Variants in TMEM132C observed in about 807,000 individuals in gnomAD.
TMEM132C encodes transmembrane protein 132C.
A neutral mutation model predicts 61.4 loss-of-function variants in TMEM132C; 29 were observed. That is an observed-to-expected ratio of 0.47 (90% CI 0.35 to 0.64). The LOEUF is 0.64. Among genes scored for constraint, TMEM132C ranks in the 30% least tolerant of loss-of-function variants. The pLI, the probability that TMEM132C is intolerant of heterozygous loss-of-function variation, is 0.00. For missense variants in TMEM132C, 1,408 were observed against 1,476.9 expected (o/e 0.95, Z 0.76); for synonymous variants, 656 against 633.1 (o/e 1.04, Z -0.54).
At chr12:128,308,508 C>T (rs957511214) in intron 1 of TMEM132C, among the ~76,000 whole-genome samples, 3 of 152,120 alleles carry the variant, frequency 2.0e-5, no homozygotes, top group South Asian at 2.1e-4. Flanking sequence ...GAACTGTGTC[C>T]GGCACGTTGC....
At chr12:128,564,090 C>A (rs990218481) in intron 3 of TMEM132C, among the ~76,000 whole-genome samples, 1 of 152,228 alleles carries the variant, frequency 6.6e-6, no homozygotes, top group African/African-American at 2.4e-5. Context: ...TCTGGGATTG[C>A]AGTAGGCTGC....
At chr12:128,698,730 G>A (rs547056837) in intron 8 of TMEM132C, among the ~76,000 whole-genome samples, 2 of 152,346 alleles carry the variant, frequency 1.3e-5, no homozygotes, top group South Asian at 2.1e-4. Flanking sequence ...AACACTCTGC[G>A]TCAAACCCAG....
chr12:128,619,890 G>T (rs1953945273), intron 4 of TMEM132C, among the ~76,000 whole-genome samples: 1 of 152,162 alleles, frequency 6.6e-6, no homozygotes, highest in East Asian at 1.9e-4. Context: ...ATTTCCAAGT[G>T]ATAGTTTCTG....
intron 4 of TMEM132C, among the ~76,000 whole-genome samples, chr12:128,649,547 C>T (rs1401291818): frequency 6.6e-6 from 1 of 152,212 alleles, no homozygotes; most frequent in Non-Finnish European, 1.5e-5. Context: ...ACTGCTGGAG[C>T]AGGCTCTGCC....
chr12:128,606,853 C>T (rs1439101414), intron 3 of TMEM132C, among the ~76,000 whole-genome samples: 1 of 152,170 alleles, frequency 6.6e-6, no homozygotes, highest in Non-Finnish European at 1.5e-5. Context: ...GAGAGTAGAT[C>T]TTTTCTAGAA....
chr12:128,515,951 G>T (rs1446486000), intron 2 of TMEM132C, among the ~76,000 whole-genome samples: 1 of 152,180 alleles, frequency 6.6e-6, no homozygotes, highest in Non-Finnish European at 1.5e-5. Flanking sequence ...CAGGATTATA[G>T]GATGATACAC....
At chr12:128,546,346 C>T (rs755317068) in intron 3 of TMEM132C, among the ~76,000 whole-genome samples, 22 of 152,264 alleles carry the variant, frequency 1.4e-4, no homozygotes, top group African/African-American at 2.6e-4. Context: ...CAAATGAAAG[C>T]GAATGTGTTC....
At chr12:128,619,743 C>T (rs1953942470) in intron 4 of TMEM132C, among the ~76,000 whole-genome samples, 1 of 152,162 alleles carries the variant, frequency 6.6e-6, no homozygotes, top group Non-Finnish European at 1.5e-5. Flanking sequence ...AGGCCACTTT[C>T]GTACATAAAG....
At chr12:128,533,450 C>T (rs941033838) in intron 2 of TMEM132C, among the ~76,000 whole-genome samples, 4 of 152,146 alleles carry the variant, frequency 2.6e-5, no homozygotes, top group South Asian at 4.2e-4. Flanking sequence ...TTGAAGGATA[C>T]GAATCTCTCA....
intron 1 of TMEM132C, among the ~76,000 whole-genome samples, chr12:128,362,030 G>C (rs926443221): frequency 9.2e-5 from 14 of 151,834 alleles, no homozygotes; most frequent in Admixed American, 6.6e-5. Flanking sequence ...AGGACACCCT[G>C]GATTTCTCCA....
Position 128,415,506 on chromosome 12 carries a change from G to T in TMEM132C, c.860G>T (p.Arg287Leu). ...AQDSAQLSEL[R>L]LDGNVVIWLP... ...GACAGCGCCCAGCTCAGCGAGCTGC[G>T]TTTGGATGGTAACGTGGTCATCTGG... is the stretch of plus-strand genomic sequence containing the variant. The change falls in exon 2 of 9, where the codon CGT becomes CTT. Residue 287 changes from arginine (R) to leucine (L), a missense_variant. Coordinates refer to ENST00000435159, the MANE Select transcript of TMEM132C (RefSeq NM_001136103.3). This position sits in a 1 kb window ranked among gnomAD's most constrained non-coding sequence, Gnocchi z 5.8. 6.4e-7 allele frequency: 1 copy of T among 1,551,576 alleles called. No individual in the cohort carries two copies. The highest frequency in any genetic ancestry group is 2.4e-5 in the East Asian group (1 of 40,874).
chr12:128,617,181 C>T (rs1481992545), intron 4 of TMEM132C, among the ~76,000 whole-genome samples: 4 of 152,156 alleles, frequency 2.6e-5, no homozygotes, highest in South Asian at 4.1e-4. Flanking sequence ...GCCATGTCAG[C>T]GCGGCTGGTC....
intron 2 of TMEM132C, among the ~76,000 whole-genome samples, chr12:128,480,419 A>G (rs1565948738): frequency 6.6e-6 from 1 of 152,186 alleles, no homozygotes; most frequent in African/African-American, 2.4e-5. Context: ...GCTTGCGCCC[A>G]AAGTCTGAGA....
At chr12:128,358,899 G>A (rs1038002236) in intron 1 of TMEM132C, among the ~76,000 whole-genome samples, 12 of 152,132 alleles carry the variant, frequency 7.9e-5, no homozygotes, top group African/African-American at 2.9e-4. Context: ...TAGGAAGAAT[G>A]CTCACCCTGG....
At chr12:128,617,835 T>A (rs1552579) in intron 4 of TMEM132C, among the ~76,000 whole-genome samples, 86,838 of 152,066 alleles carry the variant, frequency 0.57, 25,786 homozygotes, top group South Asian at 0.68. Context: ...CCAGAAGGTA[T>A]CATCTACCAT....
chr12:128,688,627 T>A (rs1954695887), intron 5 of TMEM132C, among the ~76,000 whole-genome samples: 2 of 152,064 alleles, frequency 1.3e-5, no homozygotes, highest in Admixed American at 1.3e-4. Context: ...TCATTCTAAG[T>A]GTTTATTTTT....
intron 5 of TMEM132C, among the ~76,000 whole-genome samples, chr12:128,678,855 C>T (rs777116054): frequency 1.4e-4 from 21 of 152,214 alleles, no homozygotes; most frequent in South Asian, 2.1e-4. Context: ...GCAGACACCA[C>T]GGGGTCTCCA....
At chr12:128,589,257 G>A (rs1271337274) in intron 3 of TMEM132C, among the ~76,000 whole-genome samples, 1 of 150,662 alleles carries the variant, frequency 6.6e-6, no homozygotes, top group Non-Finnish European at 1.5e-5. Context: ...CCCTCCACCA[G>A]CCACCCCACA....
At chr12:128,368,276 T>G (rs1406374267) in intron 1 of TMEM132C, among the ~76,000 whole-genome samples, 1 of 152,190 alleles carries the variant, frequency 6.6e-6, no homozygotes, top group Non-Finnish European at 1.5e-5. Flanking sequence ...GGAAGCAACG[T>G]CCATTTGGTT....
Sources: gnomAD v4.1 joint callset for allele counts (sites outside exome capture counted in the v4.1 genomes callset) on GRCh38, gnomAD v4.1.1 for gene constraint, Gnocchi (gnomAD v3.1) non-coding constraint, MANE v1.5 for transcripts, NCBI Gene and HGNC (gene_info 2026-07-23, HGNC 2026-07-21) for gene names.